The following PTPN14 variants were observed in gnomAD, a reference collection of about 807,000 sequenced individuals.
PTPN14 encodes the protein tyrosine-protein phosphatase non-receptor type 14.
Under a neutral mutation model 126.8 loss-of-function variants are expected in PTPN14, and 53 were observed. The ratio of observed to expected loss-of-function variants is 0.42; its 90% CI spans 0.34 to 0.53. PTPN14 has a LOEUF of 0.53. Among genes scored for constraint, PTPN14 ranks in the 20% least tolerant of loss-of-function variants. PTPN14 has a pLI of 0.08. For missense variants in PTPN14, 1,257 were observed against 1,552.9 expected (o/e 0.81, Z 3.20); for synonymous variants, 630 against 599.3 (o/e 1.05, Z -0.75).
At chr1:214,422,553 G>A (rs563791594) in intron 3 of PTPN14, among the ~76,000 whole-genome samples, 68 of 152,308 alleles carry the variant, frequency 4.5e-4, no homozygotes, top group Middle Eastern at 3.4e-3. Context: ...ACAACTCACT[G>A]TGGGAAAAGG....
At chr1:214,525,027 C>T (rs1157647102) in intron 1 of PTPN14, among the ~76,000 whole-genome samples, 3 of 152,060 alleles carry the variant, frequency 2.0e-5, no homozygotes, top group Non-Finnish European at 4.4e-5. Flanking sequence ...GTTGCAATTC[C>T]CAAAAGGAAG....
chr1:214,464,842 G>A lies in PTPN14; in HGVS notation c.-39C>T, dbSNP rs543417066. 105 of 1,607,304 alleles carry A rather than the reference G, an allele frequency of 6.5e-5. No homozygotes were observed. The highest frequency in any genetic ancestry group is 1.8e-4 in the South Asian group (16 of 90,668). ...TCGGACGCCGCCCGCCTATCCTGGC[G>A]CACACGCCCCTGAGATGGCCTTAGC... On this transcript the variant is annotated 5_prime_UTR_variant, in exon 2 of 19. Transcript: ENST00000366956.
intron 5 of PTPN14, among the ~76,000 whole-genome samples, chr1:214,403,471 A>G (rs1440509409): frequency 6.6e-6 from 1 of 152,170 alleles, no homozygotes; most frequent in Non-Finnish European, 1.5e-5. Flanking sequence ...GGAAGCCATG[A>G]CGGCTAAAAC....
At chr1:214,504,516 T>C (rs1654785326) in intron 1 of PTPN14, among the ~76,000 whole-genome samples, 1 of 152,138 alleles carries the variant, frequency 6.6e-6, no homozygotes, top group Non-Finnish European at 1.5e-5. Context: ...CGCAAGCAAA[T>C]GGCAGGCACC....
At chr1:214,397,873 A>C in intron 8 of PTPN14, 40 bp downstream of exon 8, 6 of 1,485,492 alleles carry the variant, frequency 4.0e-6, no homozygotes, top group Non-Finnish European at 2.8e-6. Context: ...CAGTTCCTCA[A>C]GGTAAAAAAG....
chr1:214,496,272 A>G (rs1413661908), intron 1 of PTPN14, among the ~76,000 whole-genome samples: 1 of 152,190 alleles, frequency 6.6e-6, no homozygotes, highest in Non-Finnish European at 1.5e-5. Context: ...TAGTGTGCAA[A>G]GTGTTCTAGA....
intron 16 of PTPN14, among the ~76,000 whole-genome samples, chr1:214,370,764 G>A (rs779767016): frequency 5.3e-5 from 8 of 151,372 alleles, no homozygotes; most frequent in African/African-American, 1.7e-4. Context: ...GAGTGTGGAG[G>A]AGGTGGTAGC....
At chr1:214,400,887 C>T (rs747285960) in intron 7 of PTPN14, among the ~76,000 whole-genome samples, 13 of 152,272 alleles carry the variant, frequency 8.5e-5, no homozygotes, top group Non-Finnish European at 1.3e-4. Flanking sequence ...AAATTGCAAA[C>T]GTGCAACAGA....
At chr1:214,379,094 T>TA (rs1462480986) in intron 13 of PTPN14, among the ~76,000 whole-genome samples, 1 of 152,200 alleles carries the variant, frequency 6.6e-6, no homozygotes, top group Admixed American at 6.5e-5. Flanking sequence ...GGGCCTTTCC[T>TA]AAAATTAAGT....
At chr1:214,551,021 T>C (rs964907773) in intron 1 of PTPN14, among the ~76,000 whole-genome samples, 162 bp downstream of exon 1, 1 of 152,028 alleles carries the variant, frequency 6.6e-6, no homozygotes, top group African/African-American at 2.4e-5. Flanking sequence ...ATAACACCCC[T>C]GCGGCCCGGC....
At chr1:214,532,514 A>C in intron 1 of PTPN14, 1 of 952,844 alleles carries the variant, frequency 1.0e-6, no homozygotes. Flanking sequence ...TGGAGAGCAA[A>C]ATCTGGGAGC....
At chr1:214,469,825 G>T (rs1660714037) in intron 1 of PTPN14, among the ~76,000 whole-genome samples, 1 of 53,150 alleles carries the variant, frequency 1.9e-5, no homozygotes, top group Non-Finnish European at 3.8e-5. Flanking sequence ...CATGGGGAAA[G>T]GCGGGGGTAT....
chr1:214,383,712 C>T lies in PTPN14; in HGVS notation c.2143G>A (p.Glu715Lys), dbSNP rs372601623. Residue 715 changes from glutamate to lysine, a missense_variant, in exon 13 of 19, where the codon GAG (glutamate) becomes AAG (lysine). By Grantham distance (56) the Glu-to-Lys change is moderately conservative (BLOSUM62 1). Around this residue, in one of 3 missense-constraint regions of PTPN14, gnomAD observed 1,021 missense variants for 1,183.3 expected, o/e 0.86. Coordinates refer to ENST00000366956, the MANE Select transcript of PTPN14 (RefSeq NM_005401.5). This position sits in a 1 kb window ranked among gnomAD's most constrained non-coding sequence, Gnocchi z 4.4. ...IHSSESEEEE[E>K]EAPESVPQIP... The stretch of plus-strand genomic sequence containing the variant: ...TGGGGCACCGATTCTGGAGCCTCCT[C>T]CTCCTCCTCCTCACTCTCGCTGCTG... 12 of 1,612,026 alleles carry T rather than the reference C, an allele frequency of 7.4e-6. No individual in the cohort carries two copies. The highest frequency in any genetic ancestry group is 3.3e-4 in the Middle Eastern group (2 of 6,060).
chr1:214,398,554 C>T (rs1204560406), intron 7 of PTPN14, among the ~76,000 whole-genome samples: 1 of 151,804 alleles, frequency 6.6e-6, no homozygotes, highest in Non-Finnish European at 1.5e-5. Context: ...TCAGACAATC[C>T]TCCTACCTTA....
chr1:214,403,772 T>G (rs987608319), intron 5 of PTPN14, among the ~76,000 whole-genome samples: 3 of 152,148 alleles, frequency 2.0e-5, no homozygotes, highest in Non-Finnish European at 4.4e-5. Flanking sequence ...TCTTGAGAAA[T>G]TGATAGAGGT....
intron 1 of PTPN14, among the ~76,000 whole-genome samples, chr1:214,474,893 A>C (rs1329784608): frequency 6.6e-6 from 1 of 152,238 alleles, no homozygotes; most frequent in Non-Finnish European, 1.5e-5. Context: ...GAAGCAACTT[A>C]GAACATGCAG....
chr1:214,506,430 C>CCGTCTG, intron 1 of PTPN14, among the ~76,000 whole-genome samples: 1 of 151,668 alleles, frequency 6.6e-6, no homozygotes, highest in East Asian at 1.9e-4. Context: ...GACGGAAGGA[C>CCGTCTG]CACCTGAGTT....
intron 1 of PTPN14, chr1:214,532,435 A>C: frequency 1.3e-6 from 1 of 775,108 alleles, no homozygotes. Context: ...GAGACCATGC[A>C]AAGCCTGAAA....
At chr1:214,423,147 G>A (rs554593353) in intron 3 of PTPN14, among the ~76,000 whole-genome samples, 1 of 151,948 alleles carries the variant, frequency 6.6e-6, no homozygotes, top group Non-Finnish European at 1.5e-5. Context: ...GAGGGAAAGG[G>A]GGGAGGGAGG....
Sources: allele counts gnomAD v4.1 joint callset (sites outside exome capture counted in the v4.1 genomes callset), GRCh38; gene constraint gnomAD v4.1.1; regional missense constraint gnomAD v4.1.1; non-coding constraint Gnocchi (gnomAD v3.1); transcripts MANE v1.5; gene names NCBI Gene and HGNC (gene_info 2026-07-23, HGNC 2026-07-21).